Variants in FOXO1 observed in about 807,000 individuals in gnomAD.
FOXO1 encodes the protein forkhead box protein O1.
FOXO1 carries 6 observed loss-of-function variants against 44.1 expected under a neutral mutation model. The observed-to-expected ratio is 0.14, with a 90% CI of 0.07 to 0.27. The LOEUF (loss-of-function observed/expected upper bound fraction) is 0.27, where lower values mean the gene tolerates loss of function less well. FOXO1 is among the 10% of genes least tolerant of loss of function. The pLI is 1.00. For synonymous variants in FOXO1, 380 were observed against 362.7 expected, an observed-to-expected ratio of 1.05 and a Z score of -0.54; for missense variants, 737 against 888.8, an observed-to-expected ratio of 0.83 and a Z score of 2.17.
rs1276202880 is a variant in FOXO1 at position 40,666,214 on chromosome 13, G to A, written c.-2C>T. On this transcript the variant is annotated 5_prime_UTR_variant, in exon 1 of 3. Transcript: ENST00000379561. ...CACCACCTGAGGCGCCTCGGCCATGGTGACCCCCGCCCCTCCCCCAGCCGC... is the reference window on the plus strand; with the variant it reads ...CACCACCTGAGGCGCCTCGGCCATGATGACCCCCGCCCCTCCCCCAGCCGC... 20 of 1,424,178 alleles carry A rather than the reference G, an allele frequency of 1.4e-5. No individual in the cohort carries two copies. Among genetic ancestry groups the A allele is most frequent in the Non-Finnish European group, 1.6e-5 (17 of 1,089,666 alleles). 88.2% of individuals were successfully genotyped at this position (1,424,178 alleles called of 1,614,324 possible).
intron 1 of FOXO1, among the ~76,000 whole-genome samples, chr13:40,597,995 C>T (rs956132854): frequency 6.6e-6 from 1 of 152,174 alleles, no homozygotes; most frequent in African/African-American, 2.4e-5. Context: ...CTTTCCCAGC[C>T]TCAGAGAATC....
At chr13:40,646,067 C>CA (rs879866986) in intron 1 of FOXO1, among the ~76,000 whole-genome samples, 1,037 of 76,522 alleles carry the variant, frequency 0.014, 7 homozygotes, top group African/African-American at 0.038. Context: ...AACTCCGTCT[C>CA]AAAAAAAAAA....
chr13:40,614,504 G>C (rs1471279189), intron 1 of FOXO1, among the ~76,000 whole-genome samples: 7 of 152,178 alleles, frequency 4.6e-5, no homozygotes, highest in Non-Finnish European at 8.8e-5. Context: ...ATTTTGTAAA[G>C]AGGAAAACTA....
At chr13:40,588,088 C>T (rs2721044) in intron 1 of FOXO1, among the ~76,000 whole-genome samples, 61,795 of 152,008 alleles carry the variant, frequency 0.41, 13,677 homozygotes, top group East Asian at 0.73. Context: ...AGAAAGGATT[C>T]AATTCAATTA....
intron 1 of FOXO1, among the ~76,000 whole-genome samples, chr13:40,631,655 A>C (rs1373310362): frequency 6.6e-6 from 1 of 152,242 alleles, no homozygotes; most frequent in Non-Finnish European, 1.5e-5. Context: ...CATTGTGCTA[A>C]GTGAAATAAA....
intron 1 of FOXO1, among the ~76,000 whole-genome samples, chr13:40,583,931 G>A (rs1283156408): frequency 6.6e-6 from 1 of 152,158 alleles, no homozygotes; most frequent in East Asian, 1.9e-4. Context: ...TCACTAAGCT[G>A]AATCATTTCT....
chr13:40,613,984 G>A (rs192107456), intron 1 of FOXO1, among the ~76,000 whole-genome samples: 122 of 152,266 alleles, frequency 8.0e-4, no homozygotes, highest in Admixed American at 2.3e-3. Flanking sequence ...CACTCAACCC[G>A]GTATTTTAAC....
chr13:40,563,469 A>C (rs1222118422), intron 1 of FOXO1, among the ~76,000 whole-genome samples: 2 of 152,152 alleles, frequency 1.3e-5, no homozygotes, highest in East Asian at 3.9e-4. Flanking sequence ...CTACGTGACA[A>C]GCCCTCCTGC....
intron 1 of FOXO1, among the ~76,000 whole-genome samples, chr13:40,566,795 A>AT (rs1381385915): frequency 6.6e-6 from 1 of 152,194 alleles, no homozygotes; most frequent in South Asian, 2.1e-4. Context: ...AGGGTATGTG[A>AT]TTTTTTTAAT....
At chr13:40,631,034 A>C (rs1481773419) in intron 1 of FOXO1, among the ~76,000 whole-genome samples, 1 of 152,180 alleles carries the variant, frequency 6.6e-6, no homozygotes, top group African/African-American at 2.4e-5. Context: ...AGAAAGAATA[A>C]AGCCGTTATG....
chr13:40,621,235 TACC>T, intron 1 of FOXO1: 2 of 747,988 alleles, frequency 2.7e-6, no homozygotes, highest in Non-Finnish European at 4.4e-6. Flanking sequence ...CTCAGGCAAT[TACC>T]TTGCAGGCAT....
chr13:40,634,812 G>C (rs1451916684), intron 1 of FOXO1, among the ~76,000 whole-genome samples: 2 of 152,030 alleles, frequency 1.3e-5, no homozygotes, highest in Non-Finnish European at 2.9e-5. Flanking sequence ...CGAGTAGCTG[G>C]GATTACAGGT....
chr13:40,566,291 T>TC (rs1182648898), intron 1 of FOXO1, among the ~76,000 whole-genome samples: 1 of 151,618 alleles, frequency 6.6e-6, no homozygotes, highest in African/African-American at 2.4e-5. Flanking sequence ...ACACATGCCC[T>TC]CCCCAGGATG....
chr13:40,590,038 T>C (rs1875309848), intron 1 of FOXO1, among the ~76,000 whole-genome samples: 1 of 152,232 alleles, frequency 6.6e-6, no homozygotes, highest in African/African-American at 2.4e-5. Flanking sequence ...GTTTGTACGA[T>C]GGGAGCCTCT....
intron 1 of FOXO1, among the ~76,000 whole-genome samples, chr13:40,576,709 G>C (rs1404453024): frequency 6.6e-6 from 1 of 152,154 alleles, no homozygotes; most frequent in Admixed American, 6.5e-5. Flanking sequence ...AAGGATACTT[G>C]ATTGTTTTCA....
intron 1 of FOXO1, among the ~76,000 whole-genome samples, chr13:40,604,490 T>C (rs974569696): frequency 1.3e-5 from 2 of 152,102 alleles, no homozygotes; most frequent in South Asian, 2.1e-4. Context: ...TATATTAGAA[T>C]GGATTCATAT....
rs946352076 is a variant in FOXO1 at position 40,625,677 on chromosome 13, T to C, written c.630+39906A>G. 2.6e-5 allele frequency among the ~76,000 whole-genome samples: 4 copies of C among 151,438 alleles called. No individual in the cohort carries two copies. In the East Asian group the frequency reaches 7.7e-4, roughly 29 times the overall value. ...TCACTTTAAAAAAAAAAAAAAAGTTTAATTTTCCACAGGGTGGGAATGTGA... is the reference window on the plus strand; with the variant it reads ...TCACTTTAAAAAAAAAAAAAAAGTTCAATTTTCCACAGGGTGGGAATGTGA... On this transcript the variant is annotated intron_variant, in intron 1 of 2. Transcript: ENST00000379561.
chr13:40,604,420 A>G (rs988653682), intron 1 of FOXO1, among the ~76,000 whole-genome samples: 11 of 151,810 alleles, frequency 7.2e-5, no homozygotes, highest in African/African-American at 2.7e-4. Context: ...TCTGGAATAA[A>G]CCATATGATC....
chr13:40,578,649 C>T lies in FOXO1; in HGVS notation c.631-17789G>A, dbSNP rs1593385990. On this transcript the variant is annotated intron_variant, in intron 1 of 2. Transcript: ENST00000379561. Reference sequence around the variant, plus strand: ...CACTATGGCCTACTAAAGCATTCTTCGGCATGTGCTCTACAAAATAATGGT... The same window carrying T: ...CACTATGGCCTACTAAAGCATTCTTTGGCATGTGCTCTACAAAATAATGGT... 2.0e-5 allele frequency among the ~76,000 whole-genome samples: 3 copies of T among 152,282 alleles called. No homozygotes were observed. The South Asian group carries it at 6.2e-4, about 32-fold the overall frequency.
Sources: gnomAD v4.1 joint callset for allele counts (sites outside exome capture counted in the v4.1 genomes callset) on GRCh38, gnomAD v4.1.1 for gene constraint, MANE v1.5 for transcripts, NCBI Gene and HGNC (gene_info 2026-07-23, HGNC 2026-07-21) for gene names.